GRIN2A: variants seen among roughly 807,000 people sequenced by gnomAD.
GRIN2A encodes glutamate receptor ionotropic, NMDA 2A.
GRIN2A carries 22 observed loss-of-function variants against 113.4 expected under a neutral mutation model. The ratio of observed to expected loss-of-function variants is 0.19; its 90% CI spans 0.14 to 0.28. The LOEUF is 0.28. Among genes scored for constraint, GRIN2A ranks in the 10% least tolerant of loss-of-function variants. The pLI is 1.00. For synonymous variants in GRIN2A, 827 were observed against 738.4 expected (o/e 1.12, Z -1.94); for missense variants, 1,502 against 1,887.0 (o/e 0.80, Z 3.78).
intron 2 of GRIN2A, among the ~76,000 whole-genome samples, chr16:10,010,031 G>A (rs558879589): frequency 2.0e-4 from 31 of 152,218 alleles, no homozygotes; most frequent in African/African-American, 6.8e-4. Context: ...TCTACTCTAC[G>A]AGTGAGGAGC....
chr16:10,143,019 A>T (rs946398185), intron 2 of GRIN2A, among the ~76,000 whole-genome samples: 2 of 152,138 alleles, frequency 1.3e-5, no homozygotes, highest in Non-Finnish European at 2.9e-5. Context: ...TATACTTAGG[A>T]TAGATTACCT....
At chr16:9,812,975 G>A (rs1438105716) in intron 10 of GRIN2A, among the ~76,000 whole-genome samples, 1 of 152,216 alleles carries the variant, frequency 6.6e-6, no homozygotes, top group African/African-American at 2.4e-5. Context: ...TAAGAATTGT[G>A]TTGTCAACAA....
intron 2 of GRIN2A, among the ~76,000 whole-genome samples, chr16:9,950,448 C>T (rs1351909112): frequency 6.6e-6 from 1 of 152,092 alleles, no homozygotes; most frequent in Non-Finnish European, 1.5e-5. Context: ...AGGTCACCAC[C>T]CATCAGATGT....
intron 2 of GRIN2A, among the ~76,000 whole-genome samples, 173 bp from the exon 3 acceptor site, chr16:9,938,724 C>G (rs1180558722): frequency 6.6e-6 from 1 of 152,184 alleles, no homozygotes; most frequent in South Asian, 2.1e-4. Context: ...ACAGAGAGGA[C>G]AGAAGCCCCT....
intron 2 of GRIN2A, among the ~76,000 whole-genome samples, chr16:10,150,486 C>A (rs757764813): frequency 6.6e-6 from 1 of 152,140 alleles, no homozygotes; most frequent in East Asian, 1.9e-4. Context: ...TTTTTAAAGT[C>A]TTTTCATGGC....
At chr16:9,940,559 G>C (rs2044847615) in intron 2 of GRIN2A, among the ~76,000 whole-genome samples, 1 of 152,104 alleles carries the variant, frequency 6.6e-6, no homozygotes, top group Non-Finnish European at 1.5e-5. Context: ...CAGAAGTCTT[G>C]GCACACCCAT....
chr16:9,909,698 A>T (rs555755682), intron 3 of GRIN2A, among the ~76,000 whole-genome samples: 17 of 152,358 alleles, frequency 1.1e-4, no homozygotes, highest in African/African-American at 4.1e-4. Context: ...TTGAGATGGT[A>T]CACAGATGCA....
chr16:10,126,306 G>A (rs374960122), intron 2 of GRIN2A, among the ~76,000 whole-genome samples: 27 of 151,792 alleles, frequency 1.8e-4, no homozygotes, highest in African/African-American at 2.9e-4. Flanking sequence ...GACTACAGGC[G>A]TGCACCACCA....
Position 9,848,104 on chromosome 16 carries a change from TATAAAC to T in GRIN2A, c.1328+1646_1328+1651del, listed in dbSNP as rs2042809003. On this transcript the variant is annotated intron_variant, in intron 5 of 12. Coordinates refer to ENST00000330684, the MANE Select transcript of GRIN2A (RefSeq NM_001134407.3). ...TTGTACATTAACTATATATTTTATC[TATAAAC>T]ATATAGTTTATATATAAAAATAGTT... Among the ~76,000 whole-genome samples, 4 of 147,596 alleles carry T rather than the reference TATAAAC, an allele frequency of 2.7e-5. No homozygotes were observed. The Admixed American group carries it at 2.7e-4, about 10-fold the overall frequency.
chr16:10,059,912 C>T (rs928014509), intron 2 of GRIN2A, among the ~76,000 whole-genome samples: 3 of 152,028 alleles, frequency 2.0e-5, no homozygotes, highest in Non-Finnish European at 4.4e-5. Flanking sequence ...ACATAGGAGC[C>T]ACTGGGACAC....
intron 11 of GRIN2A, among the ~76,000 whole-genome samples, chr16:9,794,109 C>T (rs1596415021): frequency 6.6e-6 from 1 of 152,160 alleles, no homozygotes; most frequent in East Asian, 1.9e-4. Context: ...TGCCATGGTG[C>T]ACTCTATCAT....
At chr16:10,003,163 G>T (rs2046350172) in intron 2 of GRIN2A, among the ~76,000 whole-genome samples, 1 of 152,120 alleles carries the variant, frequency 6.6e-6, no homozygotes, top group East Asian at 1.9e-4. Flanking sequence ...TCCTACATGG[G>T]GAGTATGGAG....
chr16:10,167,013 G>C (rs1351449524), intron 2 of GRIN2A, among the ~76,000 whole-genome samples: 1 of 152,142 alleles, frequency 6.6e-6, no homozygotes, highest in Non-Finnish European at 1.5e-5. Flanking sequence ...TTATTGGTAA[G>C]GCTTCTGATC....
At chr16:9,895,528 A>G (rs905522736) in intron 3 of GRIN2A, among the ~76,000 whole-genome samples, 4 of 152,206 alleles carry the variant, frequency 2.6e-5, no homozygotes, top group Admixed American at 1.3e-4. Flanking sequence ...TTGAAATGCA[A>G]GTTTGTAAGA....
At chr16:9,832,473 A>C (rs1022122879) in intron 8 of GRIN2A, among the ~76,000 whole-genome samples, 1 of 151,982 alleles carries the variant, frequency 6.6e-6, no homozygotes, top group Non-Finnish European at 1.5e-5. Flanking sequence ...CTTCTTCTTG[A>C]TATTTATTAT....
intron 3 of GRIN2A, among the ~76,000 whole-genome samples, chr16:9,905,838 C>A (rs1176841596): frequency 6.6e-6 from 1 of 152,152 alleles, no homozygotes; most frequent in Non-Finnish European, 1.5e-5. Flanking sequence ...GACACACAGA[C>A]CAGGAATTGT....
At chr16:9,954,434 G>T (rs2045259396) in intron 2 of GRIN2A, among the ~76,000 whole-genome samples, 1 of 152,134 alleles carries the variant, frequency 6.6e-6, no homozygotes, top group Non-Finnish European at 1.5e-5. Flanking sequence ...TCATCTTGCT[G>T]TTGATGTCTC....
At chr16:10,114,500 T>G (rs560534628) in intron 2 of GRIN2A, among the ~76,000 whole-genome samples, 2 of 152,298 alleles carry the variant, frequency 1.3e-5, no homozygotes, top group African/African-American at 4.8e-5. Flanking sequence ...GCAGATTGTG[T>G]AAACACAGGA....
intron 4 of GRIN2A, among the ~76,000 whole-genome samples, chr16:9,871,464 A>C (rs1267939798): frequency 6.6e-6 from 1 of 152,108 alleles, no homozygotes. Flanking sequence ...CAACCCTAAA[A>C]GTGCCATTTA....
Sources: gnomAD v4.1 joint callset for allele counts (sites outside exome capture counted in the v4.1 genomes callset) on GRCh38, gnomAD v4.1.1 for gene constraint, MANE v1.5 for transcripts, NCBI Gene and HGNC (gene_info 2026-07-23, HGNC 2026-07-21) for gene names.